Variants in ENKUR observed in about 807,000 individuals in gnomAD.
ENKUR encodes enkurin.
A neutral mutation model predicts 27.6 loss-of-function variants in ENKUR; 19 were observed. The ratio of observed to expected loss-of-function variants is 0.69; its 90% CI spans 0.48 to 1.01. ENKUR has a LOEUF of 1.01. Ranked by LOEUF, ENKUR falls within the 50% of genes least tolerant of loss-of-function variation. The pLI, the probability that ENKUR is intolerant of heterozygous loss-of-function variation, is 0.00. For missense variants in ENKUR, 312 were observed against 310.5 expected (o/e 1.00, Z -0.04); for synonymous variants, 117 against 96.9 (o/e 1.21, Z -1.22).
chr10:24,996,296 C>A (rs1014545475), intron 2 of ENKUR, among the ~76,000 whole-genome samples: 1 of 152,082 alleles, frequency 6.6e-6, no homozygotes, highest in African/African-American at 2.4e-5. Flanking sequence ...ATAGTGTGCA[C>A]CCTTAGTCCC....
chr10:25,028,704 T>C (rs1850898887), intron 2 of ENKUR, among the ~76,000 whole-genome samples: 1 of 152,186 alleles, frequency 6.6e-6, no homozygotes, highest in African/African-American at 2.4e-5. Flanking sequence ...CCTGTCTTTT[T>C]CTCCAGAGTG....
intron 2 of ENKUR, among the ~76,000 whole-genome samples, chr10:25,052,205 G>T (rs1851194063): frequency 6.6e-6 from 1 of 152,094 alleles, no homozygotes; most frequent in Non-Finnish European, 1.5e-5. Context: ...GATTACCTTA[G>T]TTGAGCAATT....
rs1050247114 is a variant in ENKUR, at chr10:24,988,903, C to T, written c.594+1560G>A. ...CTAGGGAAGGAAGTGTGGCTCAGGG[C>T]TCGTCAGGAGGCCAGCCGGTGGCTT... On this transcript the variant is annotated intron_variant, in intron 4 of 5. Transcript: ENST00000331161. Among the ~76,000 whole-genome samples the T allele has an allele frequency of 6.6e-5, 10 of 151,792 alleles. No homozygotes were observed. The East Asian group carries it at 1.6e-3, about 24-fold the overall frequency.
chr10:25,057,817 A>T (rs1032115639), intron 2 of ENKUR, among the ~76,000 whole-genome samples: 3 of 152,158 alleles, frequency 2.0e-5, no homozygotes, highest in African/African-American at 7.2e-5. Context: ...GACCCTGCCC[A>T]GGGAATCTTG....
In ENKUR at chr10:24,984,382, GAA is replaced by G. The variant is rs5783912; in HGVS notation, c.765-8_765-7del. The G allele has an allele frequency of 3.5e-4, 493 of 1,396,408 alleles. No individual in the cohort carries two copies. The highest frequency in any genetic ancestry group is 1.1e-3 in the Admixed American group (38 of 35,888). The allele number at this position is 1,396,408 out of a possible 1,614,324, so 86.5% of individuals were successfully genotyped here. A position where few individuals can be genotyped will look rare whatever the true frequency, so the allele number is the denominator to read the frequency against. On this transcript the variant is annotated splice_polypyrimidine_tract_variant and splice_region_variant and intron_variant, in intron 5 of 5. Coordinates refer to ENST00000331161, the MANE Select transcript of ENKUR (RefSeq NM_145010.4). ...TGTGCTGTTGGTATCATGCGCTGCA[GAA>G]AAAAAAAAAAAAAAGTGAAGTTCTG...
chr10:25,037,699 T>C (rs1851023405), intron 2 of ENKUR, among the ~76,000 whole-genome samples: 1 of 152,140 alleles, frequency 6.6e-6, no homozygotes, highest in African/African-American at 2.4e-5. Context: ...ATCATTTCCT[T>C]AAAATGACCT....
chr10:24,987,247 G>A (rs986328216), intron 4 of ENKUR, among the ~76,000 whole-genome samples: 3 of 152,200 alleles, frequency 2.0e-5, no homozygotes, highest in Non-Finnish European at 2.9e-5. Context: ...CCTTTCAAGC[G>A]TAGGTGGTGG....
intron 4 of ENKUR, among the ~76,000 whole-genome samples, chr10:24,986,180 T>G (rs988286000): frequency 1.3e-5 from 2 of 152,218 alleles, no homozygotes; most frequent in Non-Finnish European, 1.5e-5. Flanking sequence ...AAGTGTCTTA[T>G]ATAATTATGC....
intron 2 of ENKUR, among the ~76,000 whole-genome samples, chr10:25,047,100 C>G (rs1276807172): frequency 6.6e-6 from 1 of 152,184 alleles, no homozygotes. Flanking sequence ...TGGGCATTGT[C>G]TATCCAAATT....
At chr10:25,061,960 G>T (rs557580771) in intron 1 of ENKUR, among the ~76,000 whole-genome samples, 1 of 152,310 alleles carries the variant, frequency 6.6e-6, no homozygotes, top group East Asian at 1.9e-4. Context: ...GACTGCAAAA[G>T]TGTGCAACTG....
intron 2 of ENKUR, among the ~76,000 whole-genome samples, chr10:25,045,671 T>G (rs548552977): frequency 2.0e-5 from 3 of 152,188 alleles, no homozygotes; most frequent in Admixed American, 6.5e-5. Context: ...GAATCCCACT[T>G]CTCTTCTGCT....
In ENKUR at chr10:25,015,961, C is replaced by A; in HGVS notation, c.-25G>T. 1 of 1,595,968 alleles carries A rather than the reference C, an allele frequency of 6.3e-7. No homozygotes were observed. Among genetic ancestry groups the A allele is most frequent in the South Asian group, 1.1e-5 (1 of 87,354 alleles). ...TGGCCACCAAATGACTCCTTAAAAGCTACTCTCCACAACTTTTTTCTCCCT... is the reference window on the plus strand; with the variant it reads ...TGGCCACCAAATGACTCCTTAAAAGATACTCTCCACAACTTTTTTCTCCCT... On this transcript the variant is annotated 5_prime_UTR_variant, in exon 1 of 6. Coordinates refer to ENST00000331161, the MANE Select transcript of ENKUR (RefSeq NM_145010.4).
In ENKUR at chr10:25,036,375, C is replaced by T. The variant is rs7099143; in HGVS notation, c.37+24737G>A. 3.2e-3 allele frequency among the ~76,000 whole-genome samples: 491 copies of T among 152,292 alleles called. 3 individuals are homozygous for T. Among genetic ancestry groups the T allele is most frequent in the African/African-American group, 0.011 (464 of 41,558 alleles). Reference sequence around the variant, plus strand: ...CAGAATTATGAGGCTTCCCAAGCCACGTGGAACTGTGAGTCCATTAAACCT... The same window carrying T: ...CAGAATTATGAGGCTTCCCAAGCCATGTGGAACTGTGAGTCCATTAAACCT... On this transcript the variant is annotated intron_variant, in intron 2 of 5. Transcript: ENST00000615958.
intron 1 of ENKUR, among the ~76,000 whole-genome samples, chr10:25,005,787 C>T (rs1026739416): frequency 3.3e-5 from 5 of 152,338 alleles, no homozygotes; most frequent in African/African-American, 1.2e-4. Context: ...ACTTACTTGA[C>T]AACACAGGCA....
At position 25,044,765 on chromosome 10, in the gene ENKUR, T is replaced by C. The variant is rs76631021; in HGVS notation, c.37+16347A>G. ...ATGCTAAAAGCTCTGCTCAGTTCGT[T>C]CTTTCCAGTTTCTAGTTATTGTTTT... is the stretch of plus-strand genomic sequence containing the variant. On this transcript the variant is annotated intron_variant, in intron 2 of 5. Transcript: ENST00000615958. Among the ~76,000 whole-genome samples the C allele has an allele frequency of 5.1e-3, 776 of 152,342 alleles. 5 individuals carry two copies. Among genetic ancestry groups the C allele is most frequent in the African/African-American group, 0.018 (735 of 41,576 alleles).
Position 24,991,908 on chromosome 10 carries a change from G to A in ENKUR, c.448-1299C>T, listed in dbSNP as rs75303659. Among the ~76,000 whole-genome samples the A allele has an allele frequency of 5.1e-3, 776 of 152,294 alleles. 6 individuals are homozygous for A. Among genetic ancestry groups the A allele is most frequent in the African/African-American group, 0.018 (735 of 41,572 alleles). ...CTGTAAACATCGACCCATAGACCCT[G>A]CTTTGGAGTCAGAGCCTCACAACCT... On this transcript the variant is annotated intron_variant, in intron 3 of 5. Transcript: ENST00000331161.
intron 2 of ENKUR, among the ~76,000 whole-genome samples, chr10:25,049,237 C>T (rs182632764): frequency 6.2e-4 from 94 of 152,270 alleles, no homozygotes; most frequent in African/African-American, 2.0e-3. Flanking sequence ...CTACTTCGTT[C>T]TCTAGGGGTA....
chr10:25,022,381 CA>C (rs968541510), intron 2 of ENKUR, among the ~76,000 whole-genome samples: 3 of 152,140 alleles, frequency 2.0e-5, no homozygotes, highest in African/African-American at 7.2e-5. Flanking sequence ...GGGTTAGAAA[CA>C]AAAGTGATGG....
rs1850560766 is a variant in ENKUR at position 25,015,984 on chromosome 10, CCT to C, written c.-50_-49del. On this transcript the variant is annotated 5_prime_UTR_variant, in exon 1 of 6. Coordinates refer to ENST00000331161, the MANE Select transcript of ENKUR (RefSeq NM_145010.4). The stretch of plus-strand genomic sequence containing the variant: ...AGCTACTCTCCACAACTTTTTTCTC[CCT>C]GTCCCAGTATCTCCGTCCCTTTCTT... 4.4e-6 allele frequency: 7 copies of C among 1,581,952 alleles called. No individual in the cohort carries two copies. In the African/African-American group the frequency reaches 5.4e-5, roughly 12 times the overall value.
Sources: gnomAD v4.1 joint callset for allele counts (sites outside exome capture counted in the v4.1 genomes callset) on GRCh38, gnomAD v4.1.1 for gene constraint, MANE v1.5 for transcripts, NCBI Gene and HGNC (gene_info 2026-07-23, HGNC 2026-07-21) for gene names.